CUX1: variants seen among roughly 807,000 people sequenced by gnomAD.
CUX1 encodes the protein protein CASP.
A neutral mutation model predicts 158.8 loss-of-function variants in CUX1; 31 were observed. That is an observed-to-expected ratio of 0.20 (90% CI 0.15 to 0.26). The LOEUF (loss-of-function observed/expected upper bound fraction) is 0.26. CUX1 is among the 10% of genes least tolerant of loss of function. CUX1 has a pLI of 1.00. For synonymous variants in CUX1, 879 were observed against 862.1 expected, an observed-to-expected ratio of 1.02 and a Z score of -0.34; for missense variants, 1,589 against 2,014.6, an observed-to-expected ratio of 0.79 and a Z score of 4.04.
At chr7:101,858,568 C>T (rs1043613698) in intron 1 of CUX1, among the ~76,000 whole-genome samples, 2 of 151,906 alleles carry the variant, frequency 1.3e-5, no homozygotes, top group East Asian at 3.8e-4. Flanking sequence ...GCACCCACAA[C>T]AGCAAATGCT....
chr7:102,250,783 C>T lies in CUX1; in HGVS notation c.*1741C>T, dbSNP rs1202570644. ...GAGAATAGAGGCGGGTGAGAGTGTGCGTGCGTGTGCGTGTGTGCAATTTTA... is the reference window on the plus strand; with the variant it reads ...GAGAATAGAGGCGGGTGAGAGTGTGTGTGCGTGTGCGTGTGTGCAATTTTA... On this transcript the variant is annotated 3_prime_UTR_variant, in exon 24 of 24. Coordinates refer to ENST00000292535, the MANE Select transcript of CUX1 (RefSeq NM_181552.4). 5 of 984,994 alleles carry T rather than the reference C, an allele frequency of 5.1e-6. No homozygotes were observed. Among genetic ancestry groups the T allele is most frequent in the East Asian group, 1.1e-4 (1 of 8,824 alleles). The allele number at this position is 984,994 out of a possible 1,614,324, so 61.0% of individuals were successfully genotyped here. A position where few individuals can be genotyped will look rare whatever the true frequency, so the allele number is the denominator to read the frequency against.
At position 102,033,402 on chromosome 7, in the gene CUX1, A is replaced by G. The variant is rs189208170; in HGVS notation, c.189+5257A>G. ...AAATGAATGAAAAAAACAAAGAGCC[A>G]GGAGAGAAACATTGCAAAAGTCATT... On this transcript the variant is annotated intron_variant, in intron 3 of 23. Transcript: ENST00000292535. 9.7e-3 allele frequency among the ~76,000 whole-genome samples: 1,484 copies of G among 152,388 alleles called. 29 individuals carry two copies. Among genetic ancestry groups the G allele is most frequent in the African/African-American group, 0.034 (1,424 of 41,594 alleles).
intron 1 of CUX1, among the ~76,000 whole-genome samples, chr7:101,827,367 A>G (rs1467539442): frequency 6.6e-6 from 1 of 151,748 alleles, no homozygotes; most frequent in Non-Finnish European, 1.5e-5. Flanking sequence ...GTGCAGTGAC[A>G]TAATCATAGC....
At chr7:101,831,734 T>TTTATTATTA (rs10654094) in intron 1 of CUX1, among the ~76,000 whole-genome samples, 61,170 of 147,136 alleles carry the variant, frequency 0.42, 13,397 homozygotes, top group Middle Eastern at 0.52. Flanking sequence ...GAGAAATAAC[T>TTTATTATTA]TTATTATTAT....
At chr7:101,835,240 G>A (rs1160427690) in intron 1 of CUX1, among the ~76,000 whole-genome samples, 1 of 152,074 alleles carries the variant, frequency 6.6e-6, no homozygotes, top group African/African-American at 2.4e-5. Flanking sequence ...CGGGAATCAT[G>A]GATTACGTGA....
intron 3 of CUX1, among the ~76,000 whole-genome samples, chr7:102,069,023 A>G (rs1825845970): frequency 6.6e-6 from 1 of 152,194 alleles, no homozygotes; most frequent in Non-Finnish European, 1.5e-5. Flanking sequence ...CTAATCTGGA[A>G]TCCCCGGGAC....
intron 1 of CUX1, among the ~76,000 whole-genome samples, chr7:101,874,450 G>A (rs896260167): frequency 6.6e-6 from 1 of 152,216 alleles, no homozygotes; most frequent in South Asian, 2.1e-4. Flanking sequence ...AAACTCCACC[G>A]GTAGCTGAGG....
intron 1 of CUX1, among the ~76,000 whole-genome samples, chr7:101,873,249 A>G (rs1473521145): frequency 6.6e-6 from 1 of 150,674 alleles, no homozygotes; most frequent in African/African-American, 2.4e-5. Flanking sequence ...CAGGTTTGTT[A>G]CATAGGTAAA....
chr7:102,261,236 A>G (rs2694156), downstream of CUX1, among the ~76,000 whole-genome samples: 138,715 of 152,270 alleles, frequency 0.91, 63,383 homozygotes, highest in East Asian at 0.98. Context: ...GGTCACGCCT[A>G]TAATCCCAGC....
chr7:101,935,389 C>T (rs1482318072), intron 2 of CUX1, among the ~76,000 whole-genome samples: 1 of 152,186 alleles, frequency 6.6e-6, no homozygotes, highest in Non-Finnish European at 1.5e-5. Context: ...AGCTTTATTG[C>T]TCACACAAAG....
chr7:102,116,001 C>T (rs782492549), intron 8 of CUX1, among the ~76,000 whole-genome samples: 16 of 152,156 alleles, frequency 1.1e-4, no homozygotes, highest in Non-Finnish European at 2.4e-4. Context: ...TCCCATCTTC[C>T]GCGGAAACAC....
At chr7:102,128,046 C>T (rs981512673) in intron 8 of CUX1, among the ~76,000 whole-genome samples, 5 of 152,286 alleles carry the variant, frequency 3.3e-5, no homozygotes, top group South Asian at 4.1e-4. Flanking sequence ...CAGGGTTTCG[C>T]CAGTTGGCCA....
chr7:101,979,419 A>T (rs528404966), intron 2 of CUX1, among the ~76,000 whole-genome samples: 1 of 152,208 alleles, frequency 6.6e-6, no homozygotes, highest in Non-Finnish European at 1.5e-5. Flanking sequence ...ATGTGATGAG[A>T]TTTTTGAATT....
intron 20 of CUX1, among the ~76,000 whole-genome samples, chr7:102,217,876 G>A (rs112270910): frequency 1.0e-4 from 15 of 148,574 alleles, no homozygotes; most frequent in East Asian, 2.0e-4. Flanking sequence ...GGATGGATGC[G>A]ATGGTGTCTA....
intron 23 of CUX1, among the ~76,000 whole-genome samples, chr7:102,242,205 C>CTTTTTTTT (rs67514665): frequency 2.0e-3 from 190 of 93,002 alleles, no homozygotes; most frequent in African/African-American, 2.3e-3. Context: ...TTCTTTCTTT[C>CTTTTTTTT]TTTTTTTTTT....
At chr7:101,835,791 A>C (rs1169359060) in intron 1 of CUX1, among the ~76,000 whole-genome samples, 1 of 152,142 alleles carries the variant, frequency 6.6e-6, no homozygotes, top group African/African-American at 2.4e-5. Context: ...GCTGGAGTGC[A>C]ATGGCGCGAT....
intron 4 of CUX1, among the ~76,000 whole-genome samples, chr7:102,072,884 C>T (rs1826280850): frequency 6.6e-6 from 1 of 152,200 alleles, no homozygotes; most frequent in African/African-American, 2.4e-5. Context: ...ACAGAAAAAG[C>T]ATGACCTGGG....
intron 3 of CUX1, among the ~76,000 whole-genome samples, chr7:102,057,515 A>C (rs1293386181): frequency 3.9e-5 from 6 of 152,210 alleles, no homozygotes; most frequent in Non-Finnish European, 8.8e-5. Context: ...AGGGGGTTGA[A>C]ATAGCAACAT....
In CUX1 at chr7:102,201,279, T is replaced by G. The variant is rs1351656211; in HGVS notation, c.2063-81T>G. 1.9e-6 allele frequency: 3 copies of G among 1,544,786 alleles called. No individual in the cohort carries two copies. Among genetic ancestry groups the G allele is most frequent in the South Asian group, 2.5e-5 (2 of 81,192 alleles). On this transcript the variant is annotated intron_variant, in intron 17 of 23. Coordinates refer to ENST00000292535, the MANE Select transcript of CUX1 (RefSeq NM_181552.4). The surrounding 1 kb of genome is among the most constrained non-coding windows in gnomAD (Gnocchi z 5.0). ...CTCCCAAATAACCCACACTTTGCAG[T>G]AGGTCAAGTTAGGATGAGAAGCATG...
Sources: allele counts gnomAD v4.1 joint callset (sites outside exome capture counted in the v4.1 genomes callset), GRCh38; gene constraint gnomAD v4.1.1; non-coding constraint Gnocchi (gnomAD v3.1); transcripts MANE v1.5; gene names NCBI Gene and HGNC (gene_info 2026-07-23, HGNC 2026-07-21).